Variants in AMOTL1 observed in about 807,000 individuals in gnomAD.
AMOTL1 encodes the protein angiomotin like 1.
Under a neutral mutation model 102.9 loss-of-function variants are expected in AMOTL1, and 45 were observed. That is an observed-to-expected ratio of 0.44 (90% CI 0.34 to 0.56). AMOTL1 has a LOEUF of 0.56. Ranked by LOEUF, AMOTL1 falls within the 20% of genes least tolerant of loss-of-function variation. The pLI, the probability that AMOTL1 is intolerant of heterozygous loss-of-function variation, is 0.01. For synonymous variants in AMOTL1, 481 were observed against 484.7 expected, an observed-to-expected ratio of 0.99 and a Z score of 0.10; for missense variants, 1,114 against 1,225.6, an observed-to-expected ratio of 0.91 and a Z score of 1.36.
rs1408494476 is a variant in AMOTL1 at position 94,873,107 on chromosome 11, C to T, written c.*2312C>T. 1.3e-5 allele frequency: 2 copies of T among 152,134 alleles called. No individual in the cohort carries two copies. The highest frequency in any genetic ancestry group is 2.1e-4 in the South Asian group (1 of 4,828). The allele number at this position is 152,134 out of a possible 1,614,324, so 9.4% of individuals were successfully genotyped here. A position where few individuals can be genotyped will look rare whatever the true frequency, so the allele number is the denominator to read the frequency against. Reference sequence around the variant, plus strand: ...TAGAGTGAGAGACCCAGCTGTTTCTCCCGAAGCCTCGTCTTCATGCCCCAG... The same window carrying T: ...TAGAGTGAGAGACCCAGCTGTTTCTTCCGAAGCCTCGTCTTCATGCCCCAG... On this transcript the variant is annotated 3_prime_UTR_variant, in exon 13 of 13. Transcript: ENST00000433060.
At chr11:94,735,585 C>T (rs1053065871) in intron 2 of AMOTL1, among the ~76,000 whole-genome samples, 4 of 152,140 alleles carry the variant, frequency 2.6e-5, no homozygotes, top group South Asian at 4.1e-4. Flanking sequence ...ACAGTCATAC[C>T]CCAGCTTATG....
intron 1 of AMOTL1, among the ~76,000 whole-genome samples, chr11:94,774,439 A>G (rs1950995495): frequency 6.6e-6 from 1 of 152,206 alleles, no homozygotes; most frequent in Non-Finnish European, 1.5e-5. Context: ...TTGGTACTGT[A>G]GGTGCAGTAA....
At chr11:94,832,549 T>C (rs1357318960) in intron 6 of AMOTL1, among the ~76,000 whole-genome samples, 1 of 152,260 alleles carries the variant, frequency 6.6e-6, no homozygotes, top group Non-Finnish European at 1.5e-5. Flanking sequence ...AAATGGACAC[T>C]AATACTATCT....
chr11:94,864,765 T>C lies in AMOTL1; in HGVS notation c.2166T>C (p.Asn722=), dbSNP rs765476577. Residue 722 remains asparagine (N), a synonymous_variant, in exon 10 of 13, where the codon AAT becomes AAC. Coordinates refer to ENST00000433060, the MANE Select transcript of AMOTL1 (RefSeq NM_130847.3). ...RDTTIINHSR[N]GSYGESSLEA... ...CCACGATCATCAACCACTCACGGAA[T>C]GGCAGCTACGGAGAGAGCTCGCTGG... 7.4e-6 allele frequency: 12 copies of C among 1,613,680 alleles called. No individual in the cohort carries two copies. The East Asian group carries it at 2.2e-4, about 30-fold the overall frequency.
intron 1 of AMOTL1, among the ~76,000 whole-genome samples, chr11:94,781,257 C>T (rs1036481941): frequency 6.6e-6 from 1 of 152,106 alleles, no homozygotes; most frequent in Admixed American, 6.5e-5. Context: ...ATTTAACCAA[C>T]AGGGGTCCAT....
intron 3 of AMOTL1, among the ~76,000 whole-genome samples, chr11:94,813,241 A>T (rs1335671810): frequency 6.6e-6 from 1 of 152,188 alleles, no homozygotes; most frequent in African/African-American, 2.4e-5. Flanking sequence ...CCCTCCCTAC[A>T]TGGATACGCA....
chr11:94,826,006 C>T (rs1951955492), intron 4 of AMOTL1, among the ~76,000 whole-genome samples: 1 of 152,144 alleles, frequency 6.6e-6, no homozygotes, highest in Non-Finnish European at 1.5e-5. Context: ...ACATCTTGGC[C>T]AGGTGTGGTG....
intron 2 of AMOTL1, among the ~76,000 whole-genome samples, chr11:94,798,186 A>G (rs969245715): frequency 6.6e-6 from 1 of 152,246 alleles, no homozygotes; most frequent in Non-Finnish European, 1.5e-5. Flanking sequence ...CCTCTTCTGT[A>G]AGGTGAGGGA....
At chr11:94,761,193 CTTT>C (rs57096553) in intron 3 of AMOTL1, among the ~76,000 whole-genome samples, 3 of 136,994 alleles carry the variant, frequency 2.2e-5, no homozygotes, top group Non-Finnish European at 1.6e-5. Flanking sequence ...TTTTTCTTTT[CTTT>C]TTTTTTTTTT....
chr11:94,711,737 C>T (rs1950024612), intron 1 of AMOTL1, among the ~76,000 whole-genome samples: 1 of 152,090 alleles, frequency 6.6e-6, no homozygotes, highest in Non-Finnish European at 1.5e-5. Context: ...ATCTTGAGAT[C>T]TATCCAGGTT....
intron 7 of AMOTL1, among the ~76,000 whole-genome samples, chr11:94,852,839 A>G (rs983394205): frequency 1.3e-5 from 2 of 152,250 alleles, no homozygotes; most frequent in Non-Finnish European, 2.9e-5. Flanking sequence ...ATTTATGCAC[A>G]CATACATAAA....
At chr11:94,854,619 G>C (rs1326096966) in intron 8 of AMOTL1, among the ~76,000 whole-genome samples, 1 of 152,134 alleles carries the variant, frequency 6.6e-6, no homozygotes, top group African/African-American at 2.4e-5. Context: ...TTTTAAGCTG[G>C]AGAGAAACAT....
chr11:94,792,189 A>T (rs1431487223), intron 1 of AMOTL1, among the ~76,000 whole-genome samples: 1 of 152,204 alleles, frequency 6.6e-6, no homozygotes, highest in Non-Finnish European at 1.5e-5. Flanking sequence ...GTGAAGCTAG[A>T]AACCATCATT....
Position 94,827,232 on chromosome 11 carries a change from A to G in AMOTL1, c.1414-2818A>G, listed in dbSNP as rs539715754. Among the ~76,000 whole-genome samples, 120 of 152,362 alleles carry G rather than the reference A, an allele frequency of 7.9e-4. 2 individuals carry two copies. In the South Asian group the frequency reaches 0.016, roughly 20 times the overall value. Reference sequence around the variant, plus strand: ...ATGAGGGAAATACAACAGATAAAAAATACTATAAAATCAGACCAAGAGAAG... The same window carrying G: ...ATGAGGGAAATACAACAGATAAAAAGTACTATAAAATCAGACCAAGAGAAG... On this transcript the variant is annotated intron_variant, in intron 4 of 12. Coordinates refer to ENST00000433060, the MANE Select transcript of AMOTL1 (RefSeq NM_130847.3).
intron 3 of AMOTL1, among the ~76,000 whole-genome samples, chr11:94,819,384 A>G (rs1398915573): frequency 6.6e-6 from 1 of 152,186 alleles, no homozygotes; most frequent in Non-Finnish European, 1.5e-5. Flanking sequence ...CAGACACAAC[A>G]CAAAGTCATC....
intron 6 of AMOTL1, among the ~76,000 whole-genome samples, chr11:94,833,736 A>G (rs1213776875): frequency 6.6e-6 from 1 of 152,196 alleles, no homozygotes; most frequent in East Asian, 1.9e-4. Context: ...ATTTCAGTAC[A>G]GTTTCTGGGG....
At chr11:94,748,014 G>A (rs1346043216) in intron 3 of AMOTL1, among the ~76,000 whole-genome samples, 1 of 152,146 alleles carries the variant, frequency 6.6e-6, no homozygotes. Flanking sequence ...ACACACATTG[G>A]TGATCACTAG....
chr11:94,855,094 T>G (rs1448715492), intron 8 of AMOTL1, among the ~76,000 whole-genome samples: 1 of 152,110 alleles, frequency 6.6e-6, no homozygotes, highest in African/African-American at 2.4e-5. Context: ...GTGAAGGGTG[T>G]GTTCTAAATT....
chr11:94,856,769 A>G (rs1420019756), intron 8 of AMOTL1, among the ~76,000 whole-genome samples: 1 of 152,202 alleles, frequency 6.6e-6, no homozygotes, highest in Non-Finnish European at 1.5e-5. Flanking sequence ...TCAACAGAAC[A>G]ACAGACCAAC....
Sources: allele counts gnomAD v4.1 joint callset (sites outside exome capture counted in the v4.1 genomes callset), GRCh38; gene constraint gnomAD v4.1.1; transcripts MANE v1.5; gene names NCBI Gene and HGNC (gene_info 2026-07-23, HGNC 2026-07-21).